HIVEP3: variants seen among roughly 807,000 people sequenced by gnomAD.
HIVEP3 encodes the protein transcription factor HIVEP3.
Under a neutral mutation model 152.8 loss-of-function variants are expected in HIVEP3, and 49 were observed. That is an observed-to-expected ratio of 0.32 (90% confidence interval 0.26 to 0.41). The LOEUF is 0.41. HIVEP3 is among the 10% of genes least tolerant of loss of function. The pLI, the probability that HIVEP3 is intolerant of heterozygous loss-of-function variation, is 1.00. For missense variants in HIVEP3, 2,790 were observed against 3,103.3 expected (o/e 0.90, Z 2.40); for synonymous variants, 1,269 against 1,289.0 (o/e 0.98, Z 0.33).
In HIVEP3 at chr1:42,033,595, T is replaced by C. The variant is rs552103530; in HGVS notation, n.119+2212A>G. Among the ~76,000 whole-genome samples, 7 of 152,374 alleles carry C rather than the reference T, an allele frequency of 4.6e-5. No homozygotes were observed. In the South Asian group the frequency reaches 1.4e-3, roughly 32 times the overall value. On this transcript the variant is annotated intron_variant and non_coding_transcript_variant, in intron 1 of 3. Transcript: ENST00000489103. ...TAGTAAGGCTAATTAGTTCATCTGCTTCAAATGCTGTTATTCCACCAATGA... is the reference window on the plus strand; with the variant it reads ...TAGTAAGGCTAATTAGTTCATCTGCCTCAAATGCTGTTATTCCACCAATGA...
intron 1 of HIVEP3, among the ~76,000 whole-genome samples, chr1:41,738,648 G>A (rs1319009326): frequency 6.6e-6 from 1 of 152,132 alleles, no homozygotes; most frequent in African/African-American, 2.4e-5. Flanking sequence ...GGAAACCAGC[G>A]GCTTTGTGGT....
intron 5 of HIVEP3, among the ~76,000 whole-genome samples, chr1:41,530,013 G>A (rs1384877917): frequency 2.2e-5 from 3 of 137,656 alleles, no homozygotes; most frequent in African/African-American, 8.9e-5. Context: ...AGACTCATTT[G>A]CACACTCAGA....
At chr1:41,783,157 G>A (rs1649149903) in intron 1 of HIVEP3, among the ~76,000 whole-genome samples, 1 of 152,168 alleles carries the variant, frequency 6.6e-6, no homozygotes, top group South Asian at 2.1e-4. Flanking sequence ...GTCACCAATG[G>A]GACAGAATCA....
chr1:41,778,359 T>C (rs1243072574), intron 1 of HIVEP3, among the ~76,000 whole-genome samples: 2 of 152,120 alleles, frequency 1.3e-5, no homozygotes, highest in East Asian at 1.9e-4. Flanking sequence ...CTCCAGGCCC[T>C]GGTGGTAGGG....
intron 1 of HIVEP3, among the ~76,000 whole-genome samples, chr1:41,898,695 C>A (rs1292385470): frequency 2.6e-5 from 4 of 152,214 alleles, no homozygotes; most frequent in Admixed American, 2.6e-4. Context: ...AGCACAGAGT[C>A]ATCCTCTGTC....
intron 1 of HIVEP3, among the ~76,000 whole-genome samples, chr1:41,885,655 T>G (rs972897977): frequency 9.2e-5 from 14 of 152,058 alleles, no homozygotes; most frequent in Admixed American, 7.9e-4. Flanking sequence ...AGAGTGAGAC[T>G]CCGTCAAAAA....
intron 1 of HIVEP3, among the ~76,000 whole-genome samples, chr1:41,930,895 A>G (rs1644993004): frequency 6.6e-6 from 1 of 152,150 alleles, no homozygotes. Context: ...GTGTCTCTTC[A>G]TATGCTTATT....
intron 3 of HIVEP3, among the ~76,000 whole-genome samples, chr1:41,621,027 G>A (rs1440421517): frequency 2.0e-5 from 3 of 152,210 alleles, no homozygotes; most frequent in African/African-American, 4.8e-5. Flanking sequence ...GTGACCCTGG[G>A]CAAGTCACTT....
At chr1:41,625,636 G>C (rs4525030) in intron 3 of HIVEP3, among the ~76,000 whole-genome samples, 65,755 of 151,764 alleles carry the variant, frequency 0.43, 14,757 homozygotes, top group Non-Finnish European at 0.5. Context: ...TCAGGAAGCT[G>C]AGATAGGAGG....
intron 1 of HIVEP3, among the ~76,000 whole-genome samples, chr1:41,844,426 A>G (rs887965909): frequency 1.3e-5 from 2 of 152,200 alleles, no homozygotes; most frequent in African/African-American, 4.8e-5. Flanking sequence ...TATCATGCAC[A>G]CAGAGTCCTC....
chr1:41,849,566 G>C (rs1643536638), intron 1 of HIVEP3, among the ~76,000 whole-genome samples: 1 of 152,158 alleles, frequency 6.6e-6, no homozygotes, highest in Non-Finnish European at 1.5e-5. Context: ...TTCTGCTTTA[G>C]AGTCACAGGA....
In HIVEP3 at chr1:42,020,500, G is replaced by A. The variant is rs575277812; in HGVS notation, n.119+15307C>T. ...ATTGTCAAGTATGTTGGCAAAAACT[G>A]TTCATTATATCCTCTTATTAAGCAT... is the stretch of plus-strand genomic sequence containing the variant. On this transcript the variant is annotated intron_variant and non_coding_transcript_variant, in intron 1 of 3. Coordinates refer to the HIVEP3 transcript ENST00000489103. Among the ~76,000 whole-genome samples, 918 of 151,966 alleles carry A rather than the reference G, an allele frequency of 6.0e-3. 6 individuals are homozygous for A. The highest frequency in any genetic ancestry group is 0.01 in the Non-Finnish European group (710 of 67,960).
chr1:41,742,684 T>A (rs1647014259), intron 1 of HIVEP3, among the ~76,000 whole-genome samples: 1 of 152,224 alleles, frequency 6.6e-6, no homozygotes, highest in Non-Finnish European at 1.5e-5. Flanking sequence ...TGCAGTTGAT[T>A]GTACTGTGTC....
At chr1:41,719,999 C>T (rs1646652147) in intron 1 of HIVEP3, among the ~76,000 whole-genome samples, 1 of 152,166 alleles carries the variant, frequency 6.6e-6, no homozygotes, top group African/African-American at 2.4e-5. Flanking sequence ...GATTTATTCC[C>T]AGGTACACAA....
At chr1:41,779,536 A>G (rs1353137371) in intron 1 of HIVEP3, among the ~76,000 whole-genome samples, 1 of 152,214 alleles carries the variant, frequency 6.6e-6, no homozygotes, top group Non-Finnish European at 1.5e-5. Flanking sequence ...TCTGTTGCCC[A>G]GCAGGCGGGA....
intron 2 of HIVEP3, among the ~76,000 whole-genome samples, chr1:41,676,458 C>T (rs1480211944): frequency 6.6e-6 from 1 of 152,182 alleles, no homozygotes; most frequent in African/African-American, 2.4e-5. Flanking sequence ...CAGACTCCAG[C>T]CCAATGTCTC....
intron 1 of HIVEP3, among the ~76,000 whole-genome samples, chr1:41,879,196 G>A (rs1644222526): frequency 6.6e-6 from 1 of 152,198 alleles, no homozygotes; most frequent in African/African-American, 2.4e-5. Context: ...GGGACTTGCA[G>A]GACCTGTTCC....
chr1:41,800,980 G>T (rs1387476094), intron 1 of HIVEP3, among the ~76,000 whole-genome samples: 1 of 152,164 alleles, frequency 6.6e-6, no homozygotes, highest in Non-Finnish European at 1.5e-5. Flanking sequence ...ACTGTGCAGA[G>T]AACAAACTAC....
intron 2 of HIVEP3, among the ~76,000 whole-genome samples, chr1:41,637,253 C>T (rs1445334892): frequency 6.6e-6 from 1 of 152,122 alleles, no homozygotes; most frequent in East Asian, 1.9e-4. Context: ...GCCTTAATGA[C>T]CATCAGCAGG....
Sources: gnomAD v4.1 joint callset for allele counts (sites outside exome capture counted in the v4.1 genomes callset) on GRCh38, gnomAD v4.1.1 for gene constraint, MANE v1.5 for transcripts, NCBI Gene and HGNC (gene_info 2026-07-23, HGNC 2026-07-21) for gene names.